The following COL4A1 variants were observed in gnomAD, a reference collection of about 807,000 sequenced individuals.
COL4A1 encodes the protein collagen alpha-1(IV) chain.
Under a neutral mutation model 216.6 loss-of-function variants are expected in COL4A1, and 40 were observed. The ratio of observed to expected loss-of-function variants is 0.18; its 90% CI spans 0.14 to 0.24. COL4A1 has a LOEUF of 0.24. Among genes scored for constraint, COL4A1 ranks in the 10% least tolerant of loss-of-function variants. The pLI is 1.00. For missense variants in COL4A1, 1,628 were observed against 2,196.8 expected, an observed-to-expected ratio of 0.74 and a Z score of 5.18; for synonymous variants, 839 against 810.7, an observed-to-expected ratio of 1.03 and a Z score of -0.59.
At chr13:110,249,326 A>G (rs1486288935) in intron 1 of COL4A1, among the ~76,000 whole-genome samples, 1 of 152,058 alleles carries the variant, frequency 6.6e-6, no homozygotes, top group East Asian at 1.9e-4. Flanking sequence ...ACTTTGTTGT[A>G]TTTCAATAAA....
intron 18 of COL4A1, among the ~76,000 whole-genome samples, chr13:110,203,105 C>T (rs895573219): frequency 3.3e-5 from 5 of 151,944 alleles, no homozygotes; most frequent in South Asian, 2.1e-4. Flanking sequence ...CACAGCTACA[C>T]GGGGGGCTGA....
intron 8 of COL4A1, among the ~76,000 whole-genome samples, chr13:110,210,841 C>T (rs1289230651): frequency 1.3e-5 from 2 of 152,132 alleles, no homozygotes; most frequent in African/African-American, 4.8e-5. Flanking sequence ...GGGAATTCTG[C>T]CCACACACCA....
At chr13:110,262,950 G>A (rs1217554471) in intron 1 of COL4A1, among the ~76,000 whole-genome samples, 2 of 152,230 alleles carry the variant, frequency 1.3e-5, no homozygotes, top group Admixed American at 6.5e-5. Context: ...CGTGAGCTTA[G>A]AGGAGCTCCT....
Position 110,211,547 on chromosome 13 carries a change from G to T in COL4A1, c.468+100C>A. The T allele has an allele frequency of 3.5e-6, 4 of 1,148,914 alleles. No homozygotes were observed. Among genetic ancestry groups the T allele is most frequent in the South Asian group, 2.8e-5 (2 of 71,278 alleles). 71.2% of individuals were successfully genotyped at this position (1,148,914 alleles called of 1,614,324 possible). A position where few individuals can be genotyped will look rare whatever the true frequency, so the allele number is the denominator to read the frequency against. ...TAGGGAAGTGTGTTCAGAAACAATC[G>T]ATCAGCCAAAGTGGTTTAAAGAGAA... On this transcript the variant is annotated intron_variant, in intron 8 of 51. Coordinates refer to ENST00000375820, the MANE Select transcript of COL4A1 (RefSeq NM_001845.6). The surrounding 1 kb of genome is among the most constrained non-coding windows in gnomAD (Gnocchi z 4.3).
intron 31 of COL4A1, among the ~76,000 whole-genome samples, chr13:110,178,555 T>C (rs1318177092): frequency 6.6e-6 from 1 of 152,216 alleles, no homozygotes; most frequent in East Asian, 1.9e-4. Flanking sequence ...TCTATGATTA[T>C]TATGATCAAA....
At chr13:110,166,610 T>C (rs779239445) in intron 44 of COL4A1, among the ~76,000 whole-genome samples, 3 of 152,228 alleles carry the variant, frequency 2.0e-5, no homozygotes, top group African/African-American at 7.2e-5. Context: ...TCTGGTCACG[T>C]GTGTAAAACT....
Position 110,307,002 on chromosome 13 carries a change from A to G in COL4A1, c.26T>C (p.Leu9Pro). Residue 9 changes from leucine (L) to proline (P), a missense_variant, in exon 1 of 52, where the codon CTG (leucine) becomes CCG (proline). Transcript: ENST00000375820. The surrounding 1 kb of genome is among the most constrained non-coding windows in gnomAD (Gnocchi z 5.0). Reference protein sequence around the residue: MGPRLSVWLLLLPAALLLH... With the variant: MGPRLSVWPLLLPAALLLH... ...CAGAAGGGCGGCGGGCAGCAGCAGC[A>G]GCCAGACGCTGAGCCGGGGCCCCAT... 1 of 1,476,274 alleles carries G rather than the reference A, an allele frequency of 6.8e-7. No homozygotes were observed. The highest frequency in any genetic ancestry group is 1.3e-5 in the South Asian group (1 of 77,804). 91.4% of individuals were successfully genotyped at this position (1,476,274 alleles called of 1,614,324 possible). A position where few individuals can be genotyped will look rare whatever the true frequency, so the allele number is the denominator to read the frequency against.
rs780492563 is a variant in COL4A1, at chr13:110,186,552, C to A, written c.1730G>T (p.Gly577Val). ...PGLPGPKGSP[G>V]SVGLKGERGP... is the part of the protein sequence containing the mutation. ...ACGCTCTCCTTTCAATCCTACAGAA[C>A]CCTGATGTGAGAAGAAGAAAAAGAC... Residue 577 changes from glycine to valine, a missense_variant and splice_region_variant, in exon 26 of 52, where the codon GGT becomes GTT. Around this residue, in one of 8 missense-constraint regions of COL4A1, gnomAD observed 701 missense variants for 892.5 expected, o/e 0.79. Transcript: ENST00000375820. The A allele has an allele frequency of 1.9e-6, 3 of 1,613,974 alleles. No individual in the cohort carries two copies. In the Admixed American group the frequency reaches 5.0e-5, roughly 27 times the overall value.
At position 110,192,261 on chromosome 13, in the gene COL4A1, T is replaced by C. The variant is rs1207853503; in HGVS notation, c.1489A>G (p.Lys497Glu). The change falls in exon 24 of 52, where the codon AAG becomes GAG. Residue 497 changes from lysine (K) to glutamate (E), a missense_variant. Lys to Glu is a moderately conservative substitution (Grantham distance 56). Around this residue, in one of 8 missense-constraint regions of COL4A1, gnomAD observed 701 missense variants for 892.5 expected, o/e 0.79. Coordinates refer to ENST00000375820, the MANE Select transcript of COL4A1 (RefSeq NM_001845.6). ...EIGFPGQPGA[K>E]GDRGLPGRDG... ...CTGCCAGGCAAACCTCTGTCGCCCT[T>C]GGCCCCTGGCTGCCCTGGGAAACCT... is the stretch of plus-strand genomic sequence containing the variant. 6.2e-7 allele frequency: 1 copy of C among 1,614,180 alleles called. No homozygotes were observed. Among genetic ancestry groups the C allele is most frequent in the Non-Finnish European group, 8.5e-7 (1 of 1,180,034 alleles).
At chr13:110,291,071 C>T (rs989677723) in intron 1 of COL4A1, among the ~76,000 whole-genome samples, 5 of 152,218 alleles carry the variant, frequency 3.3e-5, no homozygotes, top group African/African-American at 1.2e-4. Context: ...GTGTCCTGCC[C>T]GCCCCTCTCC....
intron 45 of COL4A1, 104 bp from the exon 46 acceptor site, chr13:110,165,094 C>A (rs1877276184): frequency 6.6e-7 from 1 of 1,512,866 alleles, no homozygotes; most frequent in Non-Finnish European, 8.9e-7. Context: ...ATGGAACGTA[C>A]TTCTCAAAGG....
At chr13:110,202,181 C>G (rs77469553) in intron 18 of COL4A1, among the ~76,000 whole-genome samples, 2,799 of 148,188 alleles carry the variant, frequency 0.019, 32 homozygotes, top group East Asian at 0.064. Flanking sequence ...TCTAATTGTA[C>G]ATACTAGCCA....
intron 1 of COL4A1, among the ~76,000 whole-genome samples, chr13:110,298,295 G>T (rs1182171328): frequency 6.6e-6 from 1 of 152,318 alleles, no homozygotes; most frequent in African/African-American, 2.4e-5. Context: ...AGCATCTGGC[G>T]CTAGCATAAT....
chr13:110,238,465 T>C (rs993062532), intron 2 of COL4A1, among the ~76,000 whole-genome samples: 4 of 152,234 alleles, frequency 2.6e-5, no homozygotes, highest in Non-Finnish European at 5.9e-5. Flanking sequence ...AGTCTATATC[T>C]AAGCAAGCCT....
At position 110,265,746 on chromosome 13, in the gene COL4A1, T is replaced by A. The variant is rs575325837; in HGVS notation, c.85-23012A>T. On this transcript the variant is annotated intron_variant, in intron 1 of 51. Transcript: ENST00000375820. ...GGTGCCTTCCTGGAGGCCTTTCTGC[T>A]GCCAGCAGTCTTGGGTTTGGGAGCT... 5.2e-5 allele frequency: 8 copies of A among 152,394 alleles called. No homozygotes were observed. In the East Asian group the frequency reaches 1.5e-3, roughly 29 times the overall value. The allele number at this position is 152,394 out of a possible 1,614,324, so 9.4% of individuals were successfully genotyped here. A position where few individuals can be genotyped will look rare whatever the true frequency, so the allele number is the denominator to read the frequency against.
At chr13:110,283,258 G>A (rs1883710348) in intron 1 of COL4A1, among the ~76,000 whole-genome samples, 1 of 152,214 alleles carries the variant, frequency 6.6e-6, no homozygotes, top group Admixed American at 6.5e-5. Context: ...GAAAAGAGAG[G>A]TTCAAGAAAA....
chr13:110,219,926 GTATGTATA>G (rs1880381400), intron 2 of COL4A1, among the ~76,000 whole-genome samples: 1 of 98,112 alleles, frequency 1.0e-5, no homozygotes, highest in Non-Finnish European at 2.0e-5. Flanking sequence ...GTATATATAT[GTATGTATA>G]TGTGTGTGTA....
intron 2 of COL4A1, among the ~76,000 whole-genome samples, chr13:110,230,846 GC>G (rs1423406049): frequency 2.0e-5 from 3 of 152,184 alleles, no homozygotes; most frequent in Admixed American, 2.0e-4. Context: ...GCCTCCAGCC[GC>G]CCGGAACCTC....
intron 1 of COL4A1, among the ~76,000 whole-genome samples, chr13:110,289,338 A>T (rs571191894): frequency 2.7e-3 from 417 of 152,252 alleles, no homozygotes; most frequent in Non-Finnish European, 4.7e-3. Context: ...ACCCTTCCCA[A>T]GGCAAAAGAA....
Sources: gnomAD v4.1 joint callset for allele counts (sites outside exome capture counted in the v4.1 genomes callset) on GRCh38, gnomAD v4.1.1 for gene constraint, gnomAD v4.1.1 regional missense constraint, Gnocchi (gnomAD v3.1) non-coding constraint, MANE v1.5 for transcripts, NCBI Gene and HGNC (gene_info 2026-07-23, HGNC 2026-07-21) for gene names.